POC1B: variants seen among roughly 807,000 people sequenced by gnomAD.
POC1B encodes the protein POC1 centriolar protein B.
POC1B carries 44 observed loss-of-function variants against 60.6 expected under a neutral mutation model. The observed-to-expected ratio is 0.73, with a 90% CI of 0.57 to 0.93. POC1B has a LOEUF of 0.93. POC1B is among the 40% of genes least tolerant of loss of function. POC1B has a pLI of 0.00. For synonymous variants in POC1B, 180 were observed against 198.9 expected (o/e 0.90, Z 0.80); for missense variants, 555 against 572.3 (o/e 0.97, Z 0.31).
chr12:89,417,724 C>T (rs1483734550), downstream of POC1B, among the ~76,000 whole-genome samples: 1 of 152,164 alleles, frequency 6.6e-6, no homozygotes, highest in Non-Finnish European at 1.5e-5. Flanking sequence ...GCCATACTCA[C>T]TAAGAAGGAA....
chr12:89,425,382 T>C lies in POC1B; in HGVS notation c.1114-3A>G. ...GTCCTACCACTGGTTTCTGTTGTCT[T>C]TAATGTCACAGAAAATGTAGGAAGA... On this transcript the variant is annotated splice_region_variant and splice_polypyrimidine_tract_variant and intron_variant, in intron 10 of 11. Transcript: ENST00000313546. The C allele has an allele frequency of 6.2e-7, 1 of 1,605,650 alleles. No individual in the cohort carries two copies. Among genetic ancestry groups the C allele is most frequent in the East Asian group, 2.2e-5 (1 of 44,824 alleles).
chr12:89,516,512 A>C (rs1417103539), intron 2 of POC1B, among the ~76,000 whole-genome samples: 1 of 152,216 alleles, frequency 6.6e-6, no homozygotes, highest in African/African-American at 2.4e-5. Flanking sequence ...TAATAGTACA[A>C]TCTCCATATA....
intron 4 of POC1B, among the ~76,000 whole-genome samples, chr12:89,484,552 G>A (rs1272332151): frequency 6.6e-6 from 1 of 152,184 alleles, no homozygotes; most frequent in Non-Finnish European, 1.5e-5. Flanking sequence ...ACATTAATTG[G>A]CACTTTACAT....
At chr12:89,433,017 T>A (rs1403700731) in intron 10 of POC1B, among the ~76,000 whole-genome samples, 1 of 152,120 alleles carries the variant, frequency 6.6e-6, no homozygotes, top group African/African-American at 2.4e-5. Flanking sequence ...GAGGAAACAG[T>A]GATCACCAGG....
intron 4 of POC1B, among the ~76,000 whole-genome samples, chr12:89,478,256 T>C (rs1883195269): frequency 6.6e-6 from 1 of 152,216 alleles, no homozygotes; most frequent in South Asian, 2.1e-4. Flanking sequence ...GTAGCTGGGA[T>C]TACAGGCATG....
chr12:89,430,139 A>G (rs934520171), intron 10 of POC1B, among the ~76,000 whole-genome samples: 2 of 152,186 alleles, frequency 1.3e-5, no homozygotes, highest in Non-Finnish European at 2.9e-5. Flanking sequence ...AATGAATCTA[A>G]GGGCTGAGAA....
the POC1B span, among the ~76,000 whole-genome samples, chr12:89,412,181 C>G: frequency 6.6e-6 from 1 of 152,144 alleles, no homozygotes; most frequent in Non-Finnish European, 1.5e-5. Flanking sequence ...GGACTGTTCC[C>G]CCTCCGTATC....
chr12:89,497,092 G>A, intron 3 of POC1B, 79 bp downstream of exon 3: 2 of 1,429,672 alleles, frequency 1.4e-6, no homozygotes, highest in South Asian at 2.5e-5. Context: ...AGGCAGCAGT[G>A]CATGAGCAGC....
rs77453100 is a variant in POC1B at position 89,471,015 on chromosome 12, T to C, written c.677-521A>G. 7.3e-3 allele frequency among the ~76,000 whole-genome samples: 1,114 copies of C among 152,328 alleles called. 13 individuals are homozygous for C. The highest frequency in any genetic ancestry group is 0.025 in the African/African-American group (1,030 of 41,564). ...AAGCAGGAAGACCTAAGTAGTTCTA[T>C]TGATTCTTTGAGCAAGTTAATTACC... is the stretch of plus-strand genomic sequence containing the variant. On this transcript the variant is annotated intron_variant, in intron 6 of 11. Transcript: ENST00000313546.
intron 10 of POC1B, among the ~76,000 whole-genome samples, chr12:89,439,834 A>G (rs1457703348): frequency 3.9e-5 from 6 of 152,048 alleles, no homozygotes; most frequent in South Asian, 2.1e-4. Context: ...TGAACTCCTG[A>G]CCTCAGGTGA....
intron 9 of POC1B, among the ~76,000 whole-genome samples, chr12:89,465,556 T>C (rs1310032723): frequency 1.3e-5 from 2 of 152,176 alleles, no homozygotes; most frequent in African/African-American, 4.8e-5. Context: ...ATGTATTTTA[T>C]ATGAATTTAT....
chr12:89,427,059 C>T (rs1162882549), intron 10 of POC1B: 1 of 152,018 alleles, frequency 6.6e-6, no homozygotes, highest in African/African-American at 2.4e-5. Flanking sequence ...TCCTAAAACT[C>T]ATATGGAAAT....
At chr12:89,410,145 C>T in the POC1B span, among the ~76,000 whole-genome samples, 1 of 152,126 alleles carries the variant, frequency 6.6e-6, no homozygotes, top group African/African-American at 2.4e-5. Flanking sequence ...GCAAGGCTGG[C>T]TCAACATATT....
the POC1B span, among the ~76,000 whole-genome samples, chr12:89,404,555 A>G: frequency 6.6e-6 from 1 of 152,334 alleles, no homozygotes; most frequent in East Asian, 1.9e-4. Flanking sequence ...GAGGTACAGT[A>G]TAATAACCAG....
intron 10 of POC1B, chr12:89,425,618 CA>C: frequency 2.7e-6 from 1 of 365,956 alleles, no homozygotes; most frequent in Non-Finnish European, 4.9e-6. Context: ...TTCAATGAAA[CA>C]CACTTTCCAT....
Position 89,525,942 on chromosome 12 carries a change from G to A in POC1B, c.-47C>T. On this transcript the variant is annotated 5_prime_UTR_variant, in exon 1 of 12. Transcript: ENST00000313546. ...GCTCCTGTGGGTGGGGGAACCCGGA[G>A]AGGGGAGGGGAGAGGATGGGGAAGG... 6.5e-7 allele frequency: 1 copy of A among 1,531,658 alleles called. No individual in the cohort carries two copies. The highest frequency in any genetic ancestry group is 8.8e-7 in the Non-Finnish European group (1 of 1,136,366). The allele number at this position is 1,531,658 out of a possible 1,614,324, so 94.9% of individuals were successfully genotyped here.
chr12:89,487,953 C>T (rs987742017), intron 4 of POC1B, among the ~76,000 whole-genome samples: 10 of 151,808 alleles, frequency 6.6e-5, no homozygotes, highest in Non-Finnish European at 1.5e-4. Context: ...TATCATGTTT[C>T]CCCACTGAAG....
At chr12:89,485,450 A>G (rs1868582759) in intron 4 of POC1B, 1 of 152,260 alleles carries the variant, frequency 6.6e-6, no homozygotes, top group African/African-American at 2.4e-5. Context: ...ATCCTTATTC[A>G]TTAAATTTAA....
At chr12:89,496,564 A>G (rs1869257314) in intron 3 of POC1B, among the ~76,000 whole-genome samples, 2 of 152,224 alleles carry the variant, frequency 1.3e-5, no homozygotes, top group Non-Finnish European at 2.9e-5. Context: ...TTTAAAGCTT[A>G]AAAACATTTT....
Sources: allele counts gnomAD v4.1 joint callset (sites outside exome capture counted in the v4.1 genomes callset), GRCh38; gene constraint gnomAD v4.1.1; transcripts MANE v1.5; gene names NCBI Gene and HGNC (gene_info 2026-07-23, HGNC 2026-07-21).